The following ABCA13 variants were observed in gnomAD, a reference collection of about 807,000 sequenced individuals.
ABCA13 encodes ATP binding cassette subfamily A member 13, also known as ATP-binding cassette sub-family A member 13.
In ABCA13, 476 loss-of-function variants were observed where a neutral mutation model predicts 478.7. The ratio of observed to expected loss-of-function variants is 0.99; its 90% confidence interval spans 0.92 to 1.07. ABCA13 has a LOEUF of 1.07. Among genes scored for constraint, ABCA13 ranks in the 50% least tolerant of loss-of-function variants. ABCA13 has a pLI of 0.00. For missense variants in ABCA13, 6,060 were observed against 5,910.6 expected, an observed-to-expected ratio of 1.03 and a Z score of -0.83; for synonymous variants, 2,252 against 2,158.9, an observed-to-expected ratio of 1.04 and a Z score of -1.20.
At position 48,395,466 on chromosome 7, in the gene ABCA13, G is replaced by A. The variant is rs80153348; in HGVS notation, c.11873+3327G>A. Among the ~76,000 whole-genome samples, 36 of 152,302 alleles carry A rather than the reference G, an allele frequency of 2.4e-4. No individual in the cohort carries two copies. The East Asian group carries it at 6.2e-3, about 26-fold the overall frequency. ...TACAGTTGACTCTTGAACAACACAG[G>A]TTTGAACCCTGCAGGTCTTACTTAT... On this transcript the variant is annotated intron_variant, in intron 38 of 61. Coordinates refer to ENST00000435803, the MANE Select transcript of ABCA13 (RefSeq NM_152701.5).
In ABCA13 at chr7:48,338,090, AAAAC is replaced by A. The variant is rs545579183; in HGVS notation, c.10114-270_10114-267del. 1.6e-4 allele frequency among the ~76,000 whole-genome samples: 24 copies of A among 152,358 alleles called. No individual in the cohort carries two copies. In the South Asian group the frequency reaches 1.7e-3, roughly 11 times the overall value. On this transcript the variant is annotated intron_variant, in intron 28 of 61. Coordinates refer to ENST00000435803, the MANE Select transcript of ABCA13 (RefSeq NM_152701.5). ...ATAGGTTCGTTTGAAAATTTTGCCA[AAAAC>A]AAACCACTTAATTCATTCTTTGTTT...
At chr7:48,473,000 G>GAAGGTGA (rs1284572831) in intron 45 of ABCA13, among the ~76,000 whole-genome samples, 2 of 152,196 alleles carry the variant, frequency 1.3e-5, no homozygotes, top group Non-Finnish European at 2.9e-5. Flanking sequence ...AATCATGGTG[G>GAAGGTGA]AAGGTGAAAG....
intron 27 of ABCA13, 57 bp downstream of exon 27, chr7:48,317,353 A>G: frequency 6.5e-7 from 1 of 1,531,214 alleles, no homozygotes; most frequent in Non-Finnish European, 8.8e-7. Flanking sequence ...TCAGGAAGGA[A>G]TCTTTAAAAA....
At chr7:48,539,871 A>G (rs530001530) in intron 55 of ABCA13, among the ~76,000 whole-genome samples, 1 of 152,350 alleles carries the variant, frequency 6.6e-6, no homozygotes, top group East Asian at 1.9e-4. Flanking sequence ...AATCAAATCT[A>G]TCTTGCTCCA....
At chr7:48,330,288 T>C (rs1805101417) in intron 27 of ABCA13, among the ~76,000 whole-genome samples, 1 of 151,978 alleles carries the variant, frequency 6.6e-6, no homozygotes, top group Middle Eastern at 3.4e-3. Flanking sequence ...CATCTATCTG[T>C]CCATTCATCT....
intron 55 of ABCA13, among the ~76,000 whole-genome samples, chr7:48,549,061 ATTTAC>A (rs1258443787): frequency 6.6e-6 from 1 of 151,640 alleles, no homozygotes; most frequent in African/African-American, 2.4e-5. Context: ...TTTAAAAAAA[ATTTAC>A]TTTAAGTTCC....
intron 1 of ABCA13, among the ~76,000 whole-genome samples, chr7:48,182,537 C>G (rs150889336): frequency 0.064 from 9,796 of 152,148 alleles, 444 homozygotes; most frequent in East Asian, 0.16. Context: ...CCTCATTCAT[C>G]TTTATAATGC....
At chr7:48,585,156 C>A (rs765542248) in intron 56 of ABCA13, among the ~76,000 whole-genome samples, 2 of 152,118 alleles carry the variant, frequency 1.3e-5, no homozygotes, top group East Asian at 1.9e-4. Context: ...ATTTATAAGA[C>A]CCTTCCTTTA....
intron 32 of ABCA13, among the ~76,000 whole-genome samples, chr7:48,369,334 TG>T (rs1259862163): frequency 6.6e-6 from 1 of 152,194 alleles, no homozygotes; most frequent in African/African-American, 2.4e-5. Context: ...TCCTGCTCTG[TG>T]GGTTGTCCAT....
chr7:48,225,904 C>T (rs1788139883), intron 5 of ABCA13, among the ~76,000 whole-genome samples: 1 of 151,240 alleles, frequency 6.6e-6, no homozygotes, highest in Non-Finnish European at 1.5e-5. Context: ...TTTTCTTTTG[C>T]CAGTGGAATA....
intron 31 of ABCA13, among the ~76,000 whole-genome samples, chr7:48,366,663 A>G (rs988836215): frequency 6.6e-6 from 1 of 152,094 alleles, no homozygotes; most frequent in Non-Finnish European, 1.5e-5. Context: ...ACCCTGCTTC[A>G]TAACAGCCAG....
chr7:48,286,440 T>G (rs747944875), intron 19 of ABCA13, among the ~76,000 whole-genome samples: 1 of 152,206 alleles, frequency 6.6e-6, no homozygotes, highest in Non-Finnish European at 1.5e-5. Context: ...ATGTAGCCTT[T>G]TCAGATGGGC....
At chr7:48,430,524 A>C (rs1821997590) in intron 42 of ABCA13, among the ~76,000 whole-genome samples, 1 of 152,102 alleles carries the variant, frequency 6.6e-6, no homozygotes, top group African/African-American at 2.4e-5. Flanking sequence ...AAATACAAAA[A>C]ATTAGCTGAG....
chr7:48,471,693 T>C, intron 45 of ABCA13, 94 bp downstream of exon 45: 1 of 1,208,372 alleles, frequency 8.3e-7, no homozygotes, highest in East Asian at 2.5e-5. Context: ...TATTTGTAAC[T>C]GTGTCTTTAT....
rs563608618 is a variant in ABCA13 at position 48,506,470 on chromosome 7, C to T, written c.13346+80C>T. 101 of 1,502,386 alleles carry T rather than the reference C, an allele frequency of 6.7e-5. No homozygotes were observed. In the South Asian group the frequency reaches 1.1e-3, roughly 16 times the overall value. The allele number at this position is 1,502,386 out of a possible 1,614,324, so 93.1% of individuals were successfully genotyped here. A position where few individuals can be genotyped will look rare whatever the true frequency, so the allele number is the denominator to read the frequency against. On this transcript the variant is annotated intron_variant, in intron 49 of 61. Coordinates refer to ENST00000435803, the MANE Select transcript of ABCA13 (RefSeq NM_152701.5). ...TGTGTTACTTAGGGATGACTTTGGT[C>T]TCTCTTTTGCATTTGCCCCAAGAGA...
intron 35 of ABCA13, among the ~76,000 whole-genome samples, chr7:48,379,110 A>T (rs1394423393): frequency 6.6e-6 from 1 of 152,272 alleles, no homozygotes; most frequent in Non-Finnish European, 1.5e-5. Flanking sequence ...CATATTTAAA[A>T]ATACAAAGGC....
chr7:48,347,018 C>A (rs1025274921), intron 29 of ABCA13, among the ~76,000 whole-genome samples: 1 of 152,112 alleles, frequency 6.6e-6, no homozygotes, highest in Admixed American at 6.6e-5. Context: ...TAGCCTCATA[C>A]CCACACTATT....
chr7:48,637,888 T>G (rs1002577173), intron 59 of ABCA13, among the ~76,000 whole-genome samples: 6 of 152,202 alleles, frequency 3.9e-5, no homozygotes, highest in African/African-American at 1.4e-4. Flanking sequence ...CCATTAAATA[T>G]GAACTGGGCA....
At chr7:48,514,926 T>G (rs1283255389) in intron 51 of ABCA13, among the ~76,000 whole-genome samples, 1 of 152,186 alleles carries the variant, frequency 6.6e-6, no homozygotes. Flanking sequence ...AGATTGCTAT[T>G]GAGTAGAGTG....
Sources: gnomAD v4.1 joint callset for allele counts (sites outside exome capture counted in the v4.1 genomes callset) on GRCh38, gnomAD v4.1.1 for gene constraint, MANE v1.5 for transcripts, NCBI Gene and HGNC (gene_info 2026-07-23, HGNC 2026-07-21) for gene names.